The following SLC26A9 variants were observed in gnomAD, a reference collection of about 807,000 sequenced individuals.
SLC26A9 encodes anion transporter/exchanger protein 9.
In SLC26A9, 46 loss-of-function variants were observed where a neutral mutation model predicts 87.1. That is an observed-to-expected ratio of 0.53 (90% confidence interval 0.42 to 0.67). SLC26A9 has a LOEUF of 0.67. SLC26A9 is among the 30% of genes least tolerant of loss of function. The probability of loss-of-function intolerance (pLI) is 0.00; values close to 1 mark genes in which losing one functional copy is unlikely to be tolerated. For synonymous variants in SLC26A9, 437 were observed against 409.1 expected (o/e 1.07, Z -0.82); for missense variants, 927 against 1,018.3 (o/e 0.91, Z 1.22).
chr1:205,921,554 C>T lies in SLC26A9; in HGVS notation c.2055+12G>A, dbSNP rs777825817. The T allele has an allele frequency of 8.1e-6, 13 of 1,601,994 alleles. 1 individual carries two copies. Among genetic ancestry groups the T allele is most frequent in the South Asian group, 5.5e-5 (5 of 90,344 alleles). ...TGGAGTGGGTGGTGCTTGCTGTTCC[C>T]GAGGGCCTCACCTTGGCCAGGGCCT... On this transcript the variant is annotated intron_variant, in intron 17 of 20. Coordinates refer to ENST00000367135, the MANE Select transcript of SLC26A9 (RefSeq NM_052934.4).
chr1:205,935,587 C>T (rs560567527), intron 2 of SLC26A9, 109 bp downstream of exon 2: 3 of 1,502,992 alleles, frequency 2.0e-6, no homozygotes, highest in East Asian at 2.3e-5. Flanking sequence ...TTCCCCAGGG[C>T]TTCCCTTAAC....
chr1:205,917,110 A>G (rs1374165756), intron 20 of SLC26A9, among the ~76,000 whole-genome samples, 173 bp downstream of exon 20: 1 of 148,580 alleles, frequency 6.7e-6, no homozygotes. Flanking sequence ...AAAAAAAAAA[A>G]AAAGAAAAGG....
intron 16 of SLC26A9, 125 bp downstream of exon 16, chr1:205,922,957 C>T (rs979480533): frequency 1.2e-6 from 1 of 802,064 alleles, no homozygotes; most frequent in Non-Finnish European, 2.1e-6. Flanking sequence ...GCAGTGTTCC[C>T]AGAGACTTTC....
rs181958838 is a variant in SLC26A9 at position 205,936,526 on chromosome 1, C to T, written c.-18-688G>A. 4.6e-3 allele frequency among the ~76,000 whole-genome samples: 701 copies of T among 152,258 alleles called. 1 individual carries two copies. Among genetic ancestry groups the T allele is most frequent in the Non-Finnish European group, 7.3e-3 (498 of 68,020 alleles). On this transcript the variant is annotated intron_variant, in intron 1 of 20. Coordinates refer to ENST00000367135, the MANE Select transcript of SLC26A9 (RefSeq NM_052934.4). ...CCTCCTCACTTTTTGCGCAACCTGG[C>T]TGACGTTCCAGGAGCTGAGATGGGC... is the stretch of plus-strand genomic sequence containing the variant.
chr1:205,931,768 C>T (rs1659316413), intron 5 of SLC26A9, 92 bp downstream of exon 5: 2 of 1,489,320 alleles, frequency 1.3e-6, no homozygotes, highest in Non-Finnish European at 1.8e-6. Context: ...CACCCAGCCC[C>T]CTAAATCAGA....
rs373462472 is a variant in SLC26A9 at position 205,934,561 on chromosome 1, A to ACATT, written c.125+1131_125+1134dup. Among the ~76,000 whole-genome samples, 79 of 152,338 alleles carry ACATT rather than the reference A, an allele frequency of 5.2e-4. 2 individuals carry two copies. The highest frequency in any genetic ancestry group is 3.4e-3 in the Middle Eastern group (1 of 294). Reference sequence around the variant, plus strand: ...AGGCTGAGAGGGATTAGCTTTCTAGACATTCATTCATTCATTCATTCATGA... The same window carrying ACATT: ...AGGCTGAGAGGGATTAGCTTTCTAGACATTCATTCATTCATTCATTCATTCATGA... On this transcript the variant is annotated intron_variant, in intron 2 of 20. Transcript: ENST00000367135.
rs760800844 is a variant in SLC26A9, at chr1:205,915,162, C to T, written c.*195G>A. The T allele has an allele frequency of 6.2e-7, 1 of 1,612,694 alleles. No homozygotes were observed. Among genetic ancestry groups the T allele is most frequent in the South Asian group, 1.1e-5 (1 of 90,984 alleles). On this transcript the variant is annotated 3_prime_UTR_variant, in exon 21 of 21. Transcript: ENST00000367135. ...TCTCACTCCTGTAAGGGTAGCACCC[C>T]CCTGCTGCTGAGAGGCTCTCTCTGG...
At chr1:205,920,504 CT>C (rs897730195) in intron 17 of SLC26A9, among the ~76,000 whole-genome samples, 3 of 151,534 alleles carry the variant, frequency 2.0e-5, no homozygotes, top group Admixed American at 6.6e-5. Context: ...TAGATATTTT[CT>C]TTTTTTTTCT....
chr1:205,931,812 C>T (rs1286914097), intron 5 of SLC26A9, 48 bp downstream of exon 5: 4 of 1,579,440 alleles, frequency 2.5e-6, no homozygotes, highest in Admixed American at 1.8e-5. Flanking sequence ...GAGGGAGGGG[C>T]AGGGTGGTCT....
At position 205,930,074 on chromosome 1, in the gene SLC26A9, G is replaced by A. The variant is rs1469279966; in HGVS notation, c.553-18C>T. On this transcript the variant is annotated intron_variant, in intron 5 of 20. Transcript: ENST00000367135. Reference sequence around the variant, plus strand: ...AGACCCATCTGAGAGGAGGAAAAGGGTGGTTGGTGGCGGAAGACCAATGTG... The same window carrying A: ...AGACCCATCTGAGAGGAGGAAAAGGATGGTTGGTGGCGGAAGACCAATGTG... 11 of 1,581,516 alleles carry A rather than the reference G, an allele frequency of 7.0e-6. No individual in the cohort carries two copies. The highest frequency in any genetic ancestry group is 1.3e-5 in the African/African-American group (1 of 74,250).
intron 12 of SLC26A9, 34 bp from the exon 13 acceptor site, chr1:205,924,523 G>A: frequency 1.9e-6 from 3 of 1,601,056 alleles, no homozygotes; most frequent in Non-Finnish European, 2.6e-6. Flanking sequence ...GCAGACCTGG[G>A]GAAAAAACAA....
At chr1:205,938,909 G>C (rs1342926791) in intron 1 of SLC26A9, among the ~76,000 whole-genome samples, 1 of 152,230 alleles carries the variant, frequency 6.6e-6, no homozygotes, top group Admixed American at 6.5e-5. Flanking sequence ...AGAGCAACAG[G>C]TAGGTGACTC....
rs1329673257 is a variant in SLC26A9 at position 205,913,949 on chromosome 1, T to G, written c.*1408A>C. ...CCTGTTAGGGAAGGGGTTGTTAAGC[T>G]GAAGAAGCTTGAGAAAAGCAGTGAT... On this transcript the variant is annotated 3_prime_UTR_variant, in exon 21 of 21. Coordinates refer to ENST00000367135, the MANE Select transcript of SLC26A9 (RefSeq NM_052934.4). 1 of 152,200 alleles carries G rather than the reference T, an allele frequency of 6.6e-6. No individual in the cohort carries two copies. The highest frequency in any genetic ancestry group is 1.5e-5 in the Non-Finnish European group (1 of 68,038). The allele number at this position is 152,200 out of a possible 1,614,324, so 9.4% of individuals were successfully genotyped here.
chr1:205,927,246 G>A lies in SLC26A9; in HGVS notation c.1258C>T (p.Leu420=), dbSNP rs777441406. The change falls in exon 11 of 21, where the codon CTG becomes TTG. Residue 420 remains leucine, a synonymous_variant. Transcript: ENST00000367135. ...CVSLVVMITM[L]VLGIYLYPLP... The stretch of plus-strand genomic sequence containing the variant: ...GGATACAGATAGATCCCCAGGACCA[G>A]CATGGTGATCATCACCACCAGAGAC... The A allele has an allele frequency of 6.2e-7, 1 of 1,614,056 alleles. No individual in the cohort carries two copies. Among genetic ancestry groups the A allele is most frequent in the Non-Finnish European group, 8.5e-7 (1 of 1,180,026 alleles).
rs1455102224 is a variant in SLC26A9 at position 205,932,725 on chromosome 1, C to A, written c.353G>T (p.Gly118Val). 3 of 1,586,322 alleles carry A rather than the reference C, an allele frequency of 1.9e-6. No homozygotes were observed. Among genetic ancestry groups the A allele is most frequent in the Non-Finnish European group, 2.6e-6 (3 of 1,167,392 alleles). The stretch of plus-strand genomic sequence containing the variant: ...ACCTGGCACCATCTGGTGAACACCC[C>A]CCAGGAAGAAGTAGGTCAGGAGGGG... ...FFPLLTYFFL[G>V]GVHQMVPGTF... Residue 118 changes from glycine (G) to valine (V), a missense_variant, in exon 4 of 21, where the codon GGG (glycine) becomes GTG (valine). Coordinates refer to ENST00000367135, the MANE Select transcript of SLC26A9 (RefSeq NM_052934.4).
At chr1:205,939,618 T>G (rs1659654873) in intron 1 of SLC26A9, among the ~76,000 whole-genome samples, 1 of 148,268 alleles carries the variant, frequency 6.7e-6, no homozygotes, top group African/African-American at 2.5e-5. Context: ...GGGCAAGAGG[T>G]GGAGGGAAGG....
chr1:205,930,120 C>G, intron 5 of SLC26A9, 64 bp from the exon 6 acceptor site: 1 of 1,509,278 alleles, frequency 6.6e-7, no homozygotes, highest in Admixed American at 1.9e-5. Context: ...TCCAACGACC[C>G]GCCCCACACA....
At position 205,917,372 on chromosome 1, in the gene SLC26A9, A is replaced by C; in HGVS notation, c.2257-18T>G. The C allele has an allele frequency of 6.2e-7, 1 of 1,613,818 alleles. No homozygotes were observed. Among genetic ancestry groups the C allele is most frequent in the Non-Finnish European group, 8.5e-7 (1 of 1,179,780 alleles). On this transcript the variant is annotated intron_variant, in intron 19 of 20. Coordinates refer to ENST00000367135, the MANE Select transcript of SLC26A9 (RefSeq NM_052934.4). ...CCTGGAGCCTGGAAGGGAGGAAGCCAGTGCAGAATGAGCTTCAGTGACTGA... is the reference window on the plus strand; with the variant it reads ...CCTGGAGCCTGGAAGGGAGGAAGCCCGTGCAGAATGAGCTTCAGTGACTGA...
At chr1:205,928,279 C>T (rs1016909208) in intron 8 of SLC26A9, 2 of 579,600 alleles carry the variant, frequency 3.5e-6, no homozygotes, top group Non-Finnish European at 6.1e-6. Context: ...GCCCAAGGTC[C>T]CCGGGCCAGT....
Sources: allele counts gnomAD v4.1 joint callset (sites outside exome capture counted in the v4.1 genomes callset), GRCh38; gene constraint gnomAD v4.1.1; transcripts MANE v1.5; gene names NCBI Gene and HGNC (gene_info 2026-07-23, HGNC 2026-07-21).